The following MYO3B variants were observed in gnomAD, a reference collection of about 807,000 sequenced individuals.
MYO3B encodes myosin-IIIb.
Under a neutral mutation model 174.6 loss-of-function variants are expected in MYO3B, and 156 were observed. The ratio of observed to expected loss-of-function variants is 0.89; its 90% CI spans 0.78 to 1.02. The LOEUF is 1.02. Ranked by LOEUF, MYO3B falls within the 50% of genes least tolerant of loss-of-function variation. The pLI, the probability that MYO3B is intolerant of heterozygous loss-of-function variation, is 0.00. For synonymous variants in MYO3B, 563 were observed against 569.1 expected (o/e 0.99, Z 0.15); for missense variants, 1,632 against 1,639.4 (o/e 1.00, Z 0.08).
intron 22 of MYO3B, among the ~76,000 whole-genome samples, chr2:170,423,446 G>A (rs1176586081): frequency 6.6e-6 from 1 of 152,082 alleles, no homozygotes; most frequent in Non-Finnish European, 1.5e-5. Flanking sequence ...AATAAAGTGA[G>A]GTGGGGTAGC....
intron 32 of MYO3B, among the ~76,000 whole-genome samples, chr2:170,623,436 T>A (rs1223931303): frequency 1.3e-5 from 2 of 152,244 alleles, no homozygotes; most frequent in Non-Finnish European, 2.9e-5. Context: ...TTTTTTCTTG[T>A]AAATTTGTTT....
At chr2:170,402,715 G>A (rs2094485730) in intron 18 of MYO3B, 133 bp from the exon 19 acceptor site, 1 of 697,780 alleles carries the variant, frequency 1.4e-6, no homozygotes, top group Admixed American at 3.1e-5. Flanking sequence ...TTTCTTAGGG[G>A]TGGCAGGATG....
intron 7 of MYO3B, among the ~76,000 whole-genome samples, chr2:170,277,963 A>T (rs745874524): frequency 1.3e-5 from 2 of 152,192 alleles, no homozygotes; most frequent in African/African-American, 4.8e-5. Flanking sequence ...TTTAAAAATT[A>T]TGTGTGTGCC....
At chr2:170,649,215 A>AATATATTATATATAAAATAAT (rs1231366074) in intron 32 of MYO3B, among the ~76,000 whole-genome samples, 1 of 26,230 alleles carries the variant, frequency 3.8e-5, no homozygotes, top group Non-Finnish European at 6.5e-5. Context: ...AATAATATAT[A>AATATATTATATATAAAATAAT]ATATATTATA....
At chr2:170,573,098 G>A (rs941710904) in intron 32 of MYO3B, among the ~76,000 whole-genome samples, 4 of 151,840 alleles carry the variant, frequency 2.6e-5, no homozygotes, top group Admixed American at 2.0e-4. Flanking sequence ...GTCTTCTAGA[G>A]AGAGTCTCTA....
intron 7 of MYO3B, among the ~76,000 whole-genome samples, chr2:170,253,983 C>T (rs1482148925): frequency 6.6e-6 from 1 of 152,070 alleles, no homozygotes. Flanking sequence ...AGTAAATCAT[C>T]ACACTTTGAA....
intron 16 of MYO3B, among the ~76,000 whole-genome samples, chr2:170,395,662 C>T (rs1398025615): frequency 6.6e-6 from 1 of 151,946 alleles, no homozygotes; most frequent in Non-Finnish European, 1.5e-5. Context: ...CAAAGGAGAC[C>T]GAGAAGTGTT....
intron 16 of MYO3B, among the ~76,000 whole-genome samples, chr2:170,397,043 G>A (rs1055053557): frequency 6.6e-6 from 1 of 152,070 alleles, no homozygotes; most frequent in Non-Finnish European, 1.5e-5. Flanking sequence ...AAGTAACGAG[G>A]TGCTGTCATG....
intron 29 of MYO3B, among the ~76,000 whole-genome samples, chr2:170,516,600 G>T (rs770276763): frequency 6.8e-6 from 1 of 147,698 alleles, no homozygotes; most frequent in Non-Finnish European, 1.5e-5. Context: ...CCGAGATCGC[G>T]CCACTGAACT....
At chr2:170,370,609 C>A (rs1407737152) in intron 9 of MYO3B, among the ~76,000 whole-genome samples, 2 of 145,934 alleles carry the variant, frequency 1.4e-5, no homozygotes, top group Non-Finnish European at 3.0e-5. Context: ...CCAGCCACCA[C>A]CCCTACCACC....
chr2:170,207,666 G>GA (rs11289230), intron 3 of MYO3B, among the ~76,000 whole-genome samples: 35 of 140,902 alleles, frequency 2.5e-4, no homozygotes, highest in African/African-American at 4.7e-4. Flanking sequence ...GGAAGAGAAA[G>GA]AAAAAAAAAA....
intron 32 of MYO3B, among the ~76,000 whole-genome samples, chr2:170,552,718 C>A (rs556783429): frequency 6.6e-6 from 1 of 152,096 alleles, no homozygotes. Flanking sequence ...GTAAAGAGGA[C>A]CTGAATGTTA....
At chr2:170,330,655 T>C (rs1206625136) in intron 7 of MYO3B, among the ~76,000 whole-genome samples, 1 of 152,224 alleles carries the variant, frequency 6.6e-6, no homozygotes, top group African/African-American at 2.4e-5. Flanking sequence ...TGTATAATGG[T>C]TGTGACATCA....
At chr2:170,227,441 C>T (rs779990880) in intron 6 of MYO3B, among the ~76,000 whole-genome samples, 4 of 143,994 alleles carry the variant, frequency 2.8e-5, no homozygotes, top group East Asian at 2.1e-4. Context: ...TGTGCCACCA[C>T]GCCCCGCTAA....
At chr2:170,583,036 C>CT (rs1220185734) in intron 32 of MYO3B, among the ~76,000 whole-genome samples, 2 of 151,908 alleles carry the variant, frequency 1.3e-5, no homozygotes, top group East Asian at 3.9e-4. Flanking sequence ...TGCTGCCACA[C>CT]TGCAGAGTCT....
At chr2:170,258,688 A>C (rs926762013) in intron 7 of MYO3B, among the ~76,000 whole-genome samples, 1 of 152,174 alleles carries the variant, frequency 6.6e-6, no homozygotes, top group African/African-American at 2.4e-5. Flanking sequence ...TATATGTCAT[A>C]GTATTGGAAG....
chr2:170,356,864 A>G (rs576025088), intron 8 of MYO3B, among the ~76,000 whole-genome samples: 17 of 151,650 alleles, frequency 1.1e-4, no homozygotes, highest in Non-Finnish European at 1.9e-4. Flanking sequence ...TGCAGCCTCA[A>G]CCTCCTGGGC....
intron 25 of MYO3B, among the ~76,000 whole-genome samples, chr2:170,494,727 C>CAAAAAAAAAAAAAAA (rs3066990): frequency 8.7e-5 from 8 of 92,012 alleles, no homozygotes; most frequent in South Asian, 4.1e-4. Context: ...AACTGCGTCT[C>CAAAAAAAAAAAAAAA]AAAAAAAAAA....
intron 32 of MYO3B, among the ~76,000 whole-genome samples, chr2:170,552,757 C>T (rs960893307): frequency 1.3e-5 from 2 of 152,166 alleles, no homozygotes; most frequent in African/African-American, 2.4e-5. Flanking sequence ...AAAAACTCCT[C>T]CGGGGCATTT....
Sources: allele counts gnomAD v4.1 joint callset (sites outside exome capture counted in the v4.1 genomes callset), GRCh38; gene constraint gnomAD v4.1.1; transcripts MANE v1.5; gene names NCBI Gene and HGNC (gene_info 2026-07-23, HGNC 2026-07-21).